GRID2: variants seen among roughly 807,000 people sequenced by gnomAD.
GRID2 encodes glutamate ionotropic receptor delta type subunit 2.
A neutral mutation model predicts 114.8 loss-of-function variants in GRID2; 33 were observed. The ratio of observed to expected loss-of-function variants is 0.29; its 90% CI spans 0.22 to 0.38. The LOEUF (loss-of-function observed/expected upper bound fraction) is 0.38. GRID2 is among the 10% of genes least tolerant of loss of function. The probability of loss-of-function intolerance (pLI) is 1.00; values close to 1 mark genes in which losing one functional copy is unlikely to be tolerated. For synonymous variants in GRID2, 505 were observed against 449.9 expected, an observed-to-expected ratio of 1.12 and a Z score of -1.55; for missense variants, 1,184 against 1,257.7, an observed-to-expected ratio of 0.94 and a Z score of 0.89.
At chr4:92,413,696 A>G (rs1731447612) in intron 1 of GRID2, among the ~76,000 whole-genome samples, 1 of 152,184 alleles carries the variant, frequency 6.6e-6, no homozygotes, top group East Asian at 1.9e-4. Context: ...ATTCTGTAAA[A>G]TGAAAGGGAA....
intron 8 of GRID2, among the ~76,000 whole-genome samples, chr4:93,372,843 C>T (rs368035646): frequency 1.3e-4 from 20 of 152,188 alleles, no homozygotes; most frequent in African/African-American, 4.6e-4. Context: ...TAATGCCCAA[C>T]TTGTAAGATA....
rs192310267 is a variant in GRID2 at position 92,307,433 on chromosome 4, G to C, written c.88+2689G>C. On this transcript the variant is annotated intron_variant, in intron 1 of 15. Coordinates refer to ENST00000282020, the MANE Select transcript of GRID2 (RefSeq NM_001510.4). ...TGTAGTTCAGGCAAACTGGAAAGAT[G>C]AAAAGACACTGCTCTAAGAGGCTTT... is the stretch of plus-strand genomic sequence containing the variant. Among the ~76,000 whole-genome samples the C allele has an allele frequency of 8.6e-4, 131 of 152,172 alleles. 2 individuals carry two copies. Among genetic ancestry groups the C allele is most frequent in the Admixed American group, 7.8e-3 (119 of 15,288 alleles).
At chr4:93,152,291 T>C (rs1736807035) in intron 4 of GRID2, among the ~76,000 whole-genome samples, 1 of 152,292 alleles carries the variant, frequency 6.6e-6, no homozygotes, top group Admixed American at 6.5e-5. Flanking sequence ...GGTACTTTGC[T>C]TTGTGAACTA....
At chr4:93,066,489 C>T (rs1056691218) in intron 2 of GRID2, among the ~76,000 whole-genome samples, 2 of 151,824 alleles carry the variant, frequency 1.3e-5, no homozygotes, top group Admixed American at 6.6e-5. Context: ...GAAATTCCTC[C>T]TCTTAAATTA....
chr4:92,840,909 A>G (rs1742842674), intron 2 of GRID2, among the ~76,000 whole-genome samples: 1 of 152,038 alleles, frequency 6.6e-6, no homozygotes. Flanking sequence ...TTCAGTAACT[A>G]AATGGGTTAA....
rs1206780169 is a variant in GRID2, at chr4:92,600,044, G to GTGTATATATA, written c.244+9759_244+9760insGTATATATAT. Among the ~76,000 whole-genome samples the GTGTATATATA allele has an allele frequency of 2.4e-3, 130 of 54,394 alleles. 1 individual carries two copies. The highest frequency in any genetic ancestry group is 3.9e-3 in the South Asian group (5 of 1,294). The allele number at this position is 54,394 out of a possible 152,430, so 35.7% of individuals were successfully genotyped here. On this transcript the variant is annotated intron_variant, in intron 2 of 15. Transcript: ENST00000282020. Reference sequence around the variant, plus strand: ...CATGTATGTGTGTGTGTGTGTGTGTGTATATATATATATATATATATATAT... The same window carrying GTGTATATATA: ...CATGTATGTGTGTGTGTGTGTGTGTGTGTATATATATATATATATATATATATATATATAT...
At chr4:92,967,581 G>A (rs1361506655) in intron 2 of GRID2, among the ~76,000 whole-genome samples, 2 of 151,656 alleles carry the variant, frequency 1.3e-5, no homozygotes, top group Non-Finnish European at 2.9e-5. Context: ...ATTGTATTCT[G>A]TACTACCTGA....
chr4:93,124,168 T>C (rs2149365993), intron 4 of GRID2, among the ~76,000 whole-genome samples: 1 of 151,802 alleles, frequency 6.6e-6, no homozygotes, highest in South Asian at 2.1e-4. Context: ...TGTTTGTCTA[T>C]TGCTGCTTAG....
chr4:92,889,179 G>A (rs1237662244), intron 2 of GRID2, among the ~76,000 whole-genome samples: 4 of 152,050 alleles, frequency 2.6e-5, no homozygotes, highest in East Asian at 1.9e-4. Flanking sequence ...AATTTTTACC[G>A]TTTAAGTATT....
At chr4:93,108,818 A>G (rs1472874191) in intron 3 of GRID2, among the ~76,000 whole-genome samples, 1 of 151,904 alleles carries the variant, frequency 6.6e-6, no homozygotes, top group Non-Finnish European at 1.5e-5. Context: ...TTTAGTAGAG[A>G]TGGGGTTTCA....
At chr4:92,460,933 A>G (rs1721464142) in intron 1 of GRID2, among the ~76,000 whole-genome samples, 1 of 151,960 alleles carries the variant, frequency 6.6e-6, no homozygotes, top group Non-Finnish European at 1.5e-5. Flanking sequence ...AAAAAATTAC[A>G]TAAAAGACAT....
chr4:92,428,264 G>GTAATAA (rs772512359), intron 1 of GRID2, among the ~76,000 whole-genome samples: 37 of 151,034 alleles, frequency 2.4e-4, no homozygotes, highest in Admixed American at 9.2e-4. Context: ...TCCTCACAAA[G>GTAATAA]TAATAATAAT....
intron 1 of GRID2, among the ~76,000 whole-genome samples, chr4:92,395,026 A>C (rs1313755805): frequency 6.6e-6 from 1 of 151,634 alleles, no homozygotes; most frequent in Non-Finnish European, 1.5e-5. Context: ...GAATAAACAA[A>C]GTAACTAACA....
chr4:92,806,786 A>G (rs376984103), intron 2 of GRID2, among the ~76,000 whole-genome samples: 1 of 152,004 alleles, frequency 6.6e-6, no homozygotes, highest in African/African-American at 2.4e-5. Context: ...TAATTTGCAG[A>G]TAAGAAAACA....
rs576699080 is a variant in GRID2 at position 92,638,689 on chromosome 4, C to G, written c.244+48403C>G. Among the ~76,000 whole-genome samples, 154 of 149,870 alleles carry G rather than the reference C, an allele frequency of 1.0e-3. 2 individuals are homozygous for G. The highest frequency in any genetic ancestry group is 3.5e-3 in the African/African-American group (145 of 41,162). On this transcript the variant is annotated intron_variant, in intron 2 of 15. Transcript: ENST00000282020. ...TTGAAATATGTAATATAAGGAAAAA[C>G]AGATGAGAACTCTTGTAAATAAAAG...
intron 1 of GRID2, among the ~76,000 whole-genome samples, chr4:92,330,760 C>G (rs1242316871): frequency 6.6e-6 from 1 of 151,684 alleles, no homozygotes; most frequent in Non-Finnish European, 1.5e-5. Context: ...ATCATATAGC[C>G]TGTGAATTAC....
At chr4:92,992,988 G>A (rs1754998056) in intron 2 of GRID2, among the ~76,000 whole-genome samples, 1 of 151,910 alleles carries the variant, frequency 6.6e-6, no homozygotes, top group Non-Finnish European at 1.5e-5. Flanking sequence ...CTTTCAGAGT[G>A]AGGCTTACTG....
chr4:93,341,790 T>G (rs1052839831), intron 8 of GRID2, among the ~76,000 whole-genome samples: 3 of 152,274 alleles, frequency 2.0e-5, no homozygotes, highest in Non-Finnish European at 4.4e-5. Flanking sequence ...TTCAGAACCT[T>G]GAGTTTCTCT....
At chr4:92,652,465 G>A (rs965403422) in intron 2 of GRID2, among the ~76,000 whole-genome samples, 5 of 151,526 alleles carry the variant, frequency 3.3e-5, no homozygotes, top group South Asian at 2.1e-4. Flanking sequence ...AATGCTAGAG[G>A]CCAGGAGTTT....
Sources: allele counts gnomAD v4.1 joint callset (sites outside exome capture counted in the v4.1 genomes callset), GRCh38; gene constraint gnomAD v4.1.1; transcripts MANE v1.5; gene names NCBI Gene and HGNC (gene_info 2026-07-23, HGNC 2026-07-21).